ACOT12: variants seen among roughly 807,000 people sequenced by gnomAD.
ACOT12 encodes acetyl-coenzyme A thioesterase.
Under a neutral mutation model 67.7 loss-of-function variants are expected in ACOT12, and 51 were observed. That is an observed-to-expected ratio of 0.75 (90% confidence interval 0.60 to 0.95). The LOEUF (loss-of-function observed/expected upper bound fraction) is 0.95, where lower values mean the gene tolerates loss of function less well. Ranked by LOEUF, ACOT12 falls within the 40% of genes least tolerant of loss-of-function variation. The probability of loss-of-function intolerance (pLI) is 0.00; values close to 1 mark genes in which losing one functional copy is unlikely to be tolerated. For missense variants in ACOT12, 734 were observed against 708.1 expected (o/e 1.04, Z -0.41); for synonymous variants, 251 against 244.6 (o/e 1.03, Z -0.24).
chr5:81,346,067 C>A (rs988528970), intron 6 of ACOT12, 63 bp from the exon 7 acceptor site: 1 of 1,589,108 alleles, frequency 6.3e-7, no homozygotes, highest in African/African-American at 1.4e-5. Flanking sequence ...CGAACAAATG[C>A]ACAGACAAGT....
At chr5:81,345,771 T>C (rs996940734) in intron 7 of ACOT12, 114 bp downstream of exon 7, 1 of 1,386,644 alleles carries the variant, frequency 7.2e-7, no homozygotes, top group Non-Finnish European at 9.8e-7. Flanking sequence ...GAAAATTGCA[T>C]GAAAAAAATG....
intron 1 of ACOT12, among the ~76,000 whole-genome samples, chr5:81,388,481 T>C (rs1028724825): frequency 1.3e-5 from 2 of 152,212 alleles, no homozygotes; most frequent in African/African-American, 4.8e-5. Flanking sequence ...TCTGATTTCC[T>C]GGGAGAACAA....
chr5:81,386,994 C>CTTTTTTTTTTTT (rs1052387807), intron 1 of ACOT12, among the ~76,000 whole-genome samples: 2 of 128,476 alleles, frequency 1.6e-5, no homozygotes. Flanking sequence ...GGATGAGTTC[C>CTTTTTTTTTTTT]ATTTTTTTTT....
chr5:81,371,014 A>G lies in ACOT12; in HGVS notation c.258+736T>C, dbSNP rs559960169. ...AATCTTCTAAATTTACCTTCTTACT[A>G]AAGTCCAGTTATCCTGCTTTTAAAA... On this transcript the variant is annotated intron_variant, in intron 3 of 14. Transcript: ENST00000307624. 5.3e-5 allele frequency among the ~76,000 whole-genome samples: 8 copies of G among 152,314 alleles called. No individual in the cohort carries two copies. In the East Asian group the frequency reaches 1.3e-3, roughly 26 times the overall value.
chr5:81,349,096 G>A (rs1264290309), intron 5 of ACOT12, among the ~76,000 whole-genome samples: 1 of 152,226 alleles, frequency 6.6e-6, no homozygotes, highest in Non-Finnish European at 1.5e-5. Flanking sequence ...CAGAGGCAGA[G>A]CTGAGCTTGC....
chr5:81,356,467 C>A lies in ACOT12; in HGVS notation c.496+3436G>T, dbSNP rs562424052. 1.1e-4 allele frequency among the ~76,000 whole-genome samples: 17 copies of A among 152,258 alleles called. No homozygotes were observed. The South Asian group carries it at 1.5e-3, about 13-fold the overall frequency. ...TGCAGGTTCTGTTCTTGGCCCAGCA[C>A]CCTGTGGGCTGCAGGTTGTCTTCAT... On this transcript the variant is annotated intron_variant, in intron 5 of 14. Coordinates refer to ENST00000307624, the MANE Select transcript of ACOT12 (RefSeq NM_130767.3).
At chr5:81,388,509 G>T (rs78851366) in intron 1 of ACOT12, among the ~76,000 whole-genome samples, 12 of 152,326 alleles carry the variant, frequency 7.9e-5, no homozygotes, top group South Asian at 4.1e-4. Flanking sequence ...CTAAGTGATT[G>T]TAAGTAGGTA....
intron 5 of ACOT12, among the ~76,000 whole-genome samples, chr5:81,352,035 C>A (rs543765277): frequency 6.6e-6 from 1 of 152,194 alleles, no homozygotes; most frequent in Admixed American, 6.5e-5. Context: ...CAGAGAAATG[C>A]AAATCAAAAC....
At chr5:81,342,916 T>A (rs1230836018) in intron 10 of ACOT12, among the ~76,000 whole-genome samples, 161 bp from the exon 11 acceptor site, 1 of 152,166 alleles carries the variant, frequency 6.6e-6, no homozygotes, top group Non-Finnish European at 1.5e-5. Context: ...GTGAAGTGGC[T>A]CATGCCTGTA....
intron 8 of ACOT12, 75 bp downstream of exon 8, chr5:81,344,816 C>T: frequency 6.5e-7 from 1 of 1,550,368 alleles, no homozygotes; most frequent in Non-Finnish European, 8.8e-7. Context: ...GAGGTTGTTG[C>T]CGGTGGGAGG....
At chr5:81,352,901 C>T (rs759858440) in intron 5 of ACOT12, among the ~76,000 whole-genome samples, 7 of 152,256 alleles carry the variant, frequency 4.6e-5, no homozygotes, top group Admixed American at 6.5e-5. Flanking sequence ...GTGATAGTGA[C>T]GGTCTCTGAA....
chr5:81,350,873 G>T (rs891356123), intron 5 of ACOT12, among the ~76,000 whole-genome samples: 1 of 152,168 alleles, frequency 6.6e-6, no homozygotes, highest in Non-Finnish European at 1.5e-5. Context: ...CACCAAGGAA[G>T]GTTCCCTGAT....
At chr5:81,335,440 C>T (rs112490440) in intron 12 of ACOT12, among the ~76,000 whole-genome samples, 3,786 of 152,266 alleles carry the variant, frequency 0.025, 57 homozygotes, top group African/African-American at 0.046. Flanking sequence ...TCTTGGCTCA[C>T]TGTAGCCTTG....
Position 81,394,126 on chromosome 5 carries a change from GA to G in ACOT12, c.-13del. ...GCCGGCCGCTCCATGGCCAGGGCGAGAGCGCTACGCCTGCGGCCCCCGACAC... is the reference window on the plus strand; with the variant it reads ...GCCGGCCGCTCCATGGCCAGGGCGAGGCGCTACGCCTGCGGCCCCCGACAC... On this transcript the variant is annotated 5_prime_UTR_variant, in exon 1 of 15. Transcript: ENST00000307624. 7.0e-7 allele frequency: 1 copy of G among 1,430,456 alleles called. No homozygotes were observed. The allele number at this position is 1,430,456 out of a possible 1,614,324, so 88.6% of individuals were successfully genotyped here.
intron 5 of ACOT12, among the ~76,000 whole-genome samples, chr5:81,351,326 A>G (rs111441342): frequency 0.017 from 2,576 of 152,336 alleles, 93 homozygotes; most frequent in African/African-American, 0.058. Context: ...TTTAAAATAA[A>G]TTAATACAAT....
chr5:81,328,767 G>C (rs1758735616), downstream of ACOT12, among the ~76,000 whole-genome samples: 1 of 152,142 alleles, frequency 6.6e-6, no homozygotes, highest in African/African-American at 2.4e-5. Context: ...TTGGCACTAA[G>C]ATAGGTGAAA....
chr5:81,377,737 T>C (rs1029940870), intron 2 of ACOT12, among the ~76,000 whole-genome samples: 1 of 152,188 alleles, frequency 6.6e-6, no homozygotes, highest in African/African-American at 2.4e-5. Context: ...CCATTCACCA[T>C]TGCTTCAAAG....
chr5:81,332,659 C>T, intron 12 of ACOT12, 54 bp from the exon 13 acceptor site: 1 of 1,602,970 alleles, frequency 6.2e-7, no homozygotes. Context: ...CTCAGGCATT[C>T]ACTTCCCTTA....
chr5:81,349,320 G>A (rs868756598), intron 5 of ACOT12, among the ~76,000 whole-genome samples: 5 of 151,992 alleles, frequency 3.3e-5, no homozygotes, highest in South Asian at 2.1e-4. Context: ...CATTGTTCTC[G>A]TATAAAACCC....
Sources: allele counts gnomAD v4.1 joint callset (sites outside exome capture counted in the v4.1 genomes callset), GRCh38; gene constraint gnomAD v4.1.1; transcripts MANE v1.5; gene names NCBI Gene and HGNC (gene_info 2026-07-23, HGNC 2026-07-21).